Variants in BLK observed in about 807,000 individuals in gnomAD.
BLK encodes the protein tyrosine-protein kinase Blk.
Under a neutral mutation model 61.8 loss-of-function variants are expected in BLK, and 64 were observed. That is an observed-to-expected ratio of 1.03 (90% CI 0.85 to 1.27). The LOEUF is 1.27. Ranked by LOEUF, BLK falls within the 50% of genes most tolerant of loss-of-function variation. The pLI, the probability that BLK is intolerant of heterozygous loss-of-function variation, is 0.00. For synonymous variants in BLK, 351 were observed against 272.0 expected, an observed-to-expected ratio of 1.29 and a Z score of -2.86; for missense variants, 853 against 660.5, an observed-to-expected ratio of 1.29 and a Z score of -3.19.
intron 2 of BLK, 134 bp downstream of exon 2, chr8:11,543,481 G>C: frequency 7.7e-7 from 1 of 1,290,494 alleles, no homozygotes; most frequent in South Asian, 1.4e-5. Flanking sequence ...ATAAGCAGGT[G>C]TGCCATGCAA....
chr8:11,544,127 G>A (rs1585389114), intron 2 of BLK, among the ~76,000 whole-genome samples: 1 of 152,062 alleles, frequency 6.6e-6, no homozygotes, highest in Non-Finnish European at 1.5e-5. Flanking sequence ...ACCACACCTG[G>A]CTAATTTTTA....
chr8:11,556,545 T>C, intron 8 of BLK, 113 bp from the exon 9 acceptor site: 1 of 1,313,522 alleles, frequency 7.6e-7, no homozygotes, highest in East Asian at 2.3e-5. Flanking sequence ...ATGTTCCAGC[T>C]CTGGCACCTG....
At chr8:11,539,559 T>A (rs1044449831) in intron 1 of BLK, among the ~76,000 whole-genome samples, 1 of 152,354 alleles carries the variant, frequency 6.6e-6, no homozygotes, top group East Asian at 1.9e-4. Context: ...AGAGTGGGAC[T>A]GAAAATCAAA....
At chr8:11,560,795 C>A (rs1176735136) in intron 10 of BLK, 7 of 451,036 alleles carry the variant, frequency 1.6e-5, no homozygotes, top group Non-Finnish European at 3.2e-5. Flanking sequence ...CCCTGGAGAC[C>A]ACATCCCTCA....
chr8:11,561,274 G>A (rs1487115145), intron 10 of BLK, 28 bp from the exon 11 acceptor site: 8 of 1,608,314 alleles, frequency 5.0e-6, no homozygotes, highest in Non-Finnish European at 5.9e-6. Context: ...CCCCCAGGCT[G>A]TCCTTCACCA....
At chr8:11,504,106 T>G (rs1798667931) in intron 1 of BLK, among the ~76,000 whole-genome samples, 1 of 152,094 alleles carries the variant, frequency 6.6e-6, no homozygotes, top group Non-Finnish European at 1.5e-5. Flanking sequence ...GGCGGATCAC[T>G]TGAGGTCAGG....
intron 1 of BLK, among the ~76,000 whole-genome samples, chr8:11,541,408 T>C (rs1192856732): frequency 6.7e-6 from 1 of 149,860 alleles, no homozygotes; most frequent in Non-Finnish European, 1.5e-5. Flanking sequence ...ATTGACAAAT[T>C]AAAGGTGAAC....
chr8:11,538,073 GACAC>G (rs959195954), intron 1 of BLK, among the ~76,000 whole-genome samples: 1 of 151,826 alleles, frequency 6.6e-6, no homozygotes, highest in Non-Finnish European at 1.5e-5. Flanking sequence ...TGCACACATA[GACAC>G]ACACACACAT....
At position 11,564,336 on chromosome 8, in the gene BLK, T is replaced by A; in HGVS notation, c.*228T>A. The A allele has an allele frequency of 4.3e-6, 3 of 703,948 alleles. No homozygotes were observed. In the South Asian group the frequency reaches 4.5e-5, roughly 11 times the overall value. 43.6% of individuals were successfully genotyped at this position (703,948 alleles called of 1,614,324 possible). On this transcript the variant is annotated 3_prime_UTR_variant, in exon 13 of 13. Coordinates refer to ENST00000259089, the MANE Select transcript of BLK (RefSeq NM_001715.3). ...CTGTGCCGCTTCATTTGTAGAGGGC[T>A]GTAACAGTGACCTCGCACGGTCATC... is the stretch of plus-strand genomic sequence containing the variant.
intron 1 of BLK, among the ~76,000 whole-genome samples, chr8:11,528,865 CTG>C (rs1799781260): frequency 6.6e-6 from 1 of 152,162 alleles, no homozygotes; most frequent in Middle Eastern, 3.2e-3. Context: ...AAACCAAACA[CTG>C]TATGTTCTCA....
At chr8:11,559,520 AAC>A (rs1308758762) in intron 10 of BLK, among the ~76,000 whole-genome samples, 4 of 140,672 alleles carry the variant, frequency 2.8e-5, no homozygotes, top group East Asian at 3.9e-4. Flanking sequence ...CACACACACA[AAC>A]ACACACACAA....
chr8:11,560,041 G>C (rs1801418098), intron 10 of BLK: 1 of 345,026 alleles, frequency 2.9e-6, no homozygotes, highest in Non-Finnish European at 5.6e-6. Context: ...GATATATTTA[G>C]TACTCAGTTT....
intron 1 of BLK, among the ~76,000 whole-genome samples, chr8:11,518,855 T>G (rs1799328686): frequency 6.6e-6 from 1 of 152,184 alleles, no homozygotes; most frequent in Non-Finnish European, 1.5e-5. Flanking sequence ...GCCTGTGCAC[T>G]TTTAGAGCCG....
chr8:11,495,453 G>A (rs980975437), intron 1 of BLK, among the ~76,000 whole-genome samples: 1 of 152,236 alleles, frequency 6.6e-6, no homozygotes, highest in Non-Finnish European at 1.5e-5. Context: ...GAAACCTGCA[G>A]ATGCCAGCTT....
intron 1 of BLK, among the ~76,000 whole-genome samples, chr8:11,520,731 T>C (rs1246340418): frequency 1.3e-5 from 2 of 151,832 alleles, no homozygotes; most frequent in East Asian, 3.9e-4. Context: ...GAAAAGGTAA[T>C]ACAACATCTA....
At chr8:11,555,973 C>G (rs1055264756) in intron 8 of BLK, 164 of 268,892 alleles carry the variant, frequency 6.1e-4, no homozygotes, top group African/African-American at 4.0e-3. Context: ...CCCCCCCCCG[C>G]CCACCAGGAT....
chr8:11,558,967 C>T (rs1423340054), intron 10 of BLK: 1 of 456,098 alleles, frequency 2.2e-6, no homozygotes, highest in Non-Finnish European at 4.4e-6. Context: ...CTGAGGTGGG[C>T]AGACAGCCAT....
intron 1 of BLK, among the ~76,000 whole-genome samples, chr8:11,502,813 C>G (rs997402193): frequency 1.3e-5 from 2 of 152,014 alleles, no homozygotes; most frequent in Non-Finnish European, 2.9e-5. Context: ...TCCTGAGTCC[C>G]GAGCCTGACA....
chr8:11,521,703 A>C (rs900993505), intron 1 of BLK, among the ~76,000 whole-genome samples: 3 of 152,208 alleles, frequency 2.0e-5, no homozygotes, highest in African/African-American at 7.2e-5. Flanking sequence ...CGAGTAGCTC[A>C]TACCGCCCTG....
Sources: allele counts gnomAD v4.1 joint callset (sites outside exome capture counted in the v4.1 genomes callset), GRCh38; gene constraint gnomAD v4.1.1; transcripts MANE v1.5; gene names NCBI Gene and HGNC (gene_info 2026-07-23, HGNC 2026-07-21).